The following ZNF292 variants were observed in gnomAD, a reference collection of about 807,000 sequenced individuals.
ZNF292 encodes the protein 16 zinc-finger domain protein.
Under a neutral mutation model 217.9 loss-of-function variants are expected in ZNF292, and 26 were observed. The observed-to-expected ratio is 0.12, with a 90% CI of 0.09 to 0.17. The LOEUF (loss-of-function observed/expected upper bound fraction) is 0.17. Ranked by LOEUF, ZNF292 falls within the 10% of genes least tolerant of loss-of-function variation. The pLI, the probability that ZNF292 is intolerant of heterozygous loss-of-function variation, is 1.00. For missense variants in ZNF292, 2,904 were observed against 3,175.2 expected (o/e 0.91, Z 2.05); for synonymous variants, 1,257 against 1,124.1 (o/e 1.12, Z -2.37).
intron 1 of ZNF292, among the ~76,000 whole-genome samples, chr6:87,198,478 A>T (rs948594792): frequency 1.3e-5 from 2 of 152,204 alleles, no homozygotes; most frequent in Admixed American, 1.3e-4. Context: ...TGCTGGGATT[A>T]CAGGCCTGAG....
At position 87,257,458 on chromosome 6, in the gene ZNF292, T is replaced by C; in HGVS notation, c.3829T>C (p.Ser1277Pro). The C allele has an allele frequency of 1.2e-6, 2 of 1,613,436 alleles. No individual in the cohort carries two copies. Among genetic ancestry groups the C allele is most frequent in the Non-Finnish European group, 1.7e-6 (2 of 1,179,686 alleles). The part of the protein sequence containing the change: ...AESSSMSLFP[S>P]PADSGTNSVF... Reference sequence around the variant, plus strand: ...AAGTAGTTCAATGTCTCTCTTCCCTTCACCAGCAGATAGTGGGACTAATTC... The same window carrying C: ...AAGTAGTTCAATGTCTCTCTTCCCTCCACCAGCAGATAGTGGGACTAATTC... Residue 1277 changes from serine (S) to proline (P), a missense_variant, in exon 8 of 8, where the codon TCA (serine) becomes CCA (proline). Around this residue, in one of 15 missense-constraint regions of ZNF292, gnomAD observed 687 missense variants for 623.0 expected, o/e 1.10. Transcript: ENST00000369577.
intron 5 of ZNF292, among the ~76,000 whole-genome samples, chr6:87,241,408 A>G (rs995604423): frequency 1.3e-5 from 2 of 151,332 alleles, no homozygotes; most frequent in African/African-American, 4.9e-5. Flanking sequence ...TGAAGTGGAA[A>G]GAGCTTGGAT....
At chr6:87,251,643 C>CT (rs1396168688) in intron 7 of ZNF292, among the ~76,000 whole-genome samples, 1 of 152,166 alleles carries the variant, frequency 6.6e-6, no homozygotes, top group Non-Finnish European at 1.5e-5. Flanking sequence ...GGGCAAATCA[C>CT]TTAATTACAT....
Position 87,260,057 on chromosome 6 carries a change from T to C in ZNF292, c.6428T>C (p.Leu2143Pro), listed in dbSNP as rs1375860456. 1 of 1,613,626 alleles carries C rather than the reference T, an allele frequency of 6.2e-7. No homozygotes were observed. ...LHYQAVHKSD[L>P]PAFSAEVEEE... ...TACCAGGCTGTACACAAATCAGATC[T>C]ACCTGCATTTTCAGCAGAGGTCGAA... Residue 2143 changes from leucine to proline, a missense_variant, in exon 8 of 8, where the codon CTA becomes CCA. Leu to Pro is a moderately conservative substitution (Grantham distance 98, BLOSUM62 -3). This residue lies in a region of ZNF292 where 261 missense variants were observed against 272.8 expected (regional missense o/e 0.96). Coordinates refer to ENST00000369577, the MANE Select transcript of ZNF292 (RefSeq NM_015021.3).
intron 1 of ZNF292, among the ~76,000 whole-genome samples, chr6:87,201,115 A>G (rs1463851954): frequency 1.3e-5 from 2 of 152,206 alleles, no homozygotes; most frequent in Admixed American, 6.5e-5. Flanking sequence ...TGGTGGACCA[A>G]TCTCAACCCT....
Position 87,261,028 on chromosome 6 carries a change from A to G in ZNF292, c.7399A>G (p.Thr2467Ala). Reference protein sequence around the residue: ...ESNDNSRTTATVSQKEVEKNE... With the variant: ...ESNDNSRTTAAVSQKEVEKNE... ...CAATGATAATTCAAGAACAACAGCT[A>G]CAGTTTCACAAAAGGAAGTTGAAAA... Residue 2467 changes from threonine to alanine, a missense_variant, in exon 8 of 8, where the codon ACA (threonine) becomes GCA (alanine). By Grantham distance (58) the Thr-to-Ala change is moderately conservative (BLOSUM62 0). Transcript: ENST00000369577. 1 of 1,603,824 alleles carries G rather than the reference A, an allele frequency of 6.2e-7. No homozygotes were observed. Among genetic ancestry groups the G allele is most frequent in the Middle Eastern group, 1.7e-4 (1 of 6,048 alleles).
At position 87,258,043 on chromosome 6, in the gene ZNF292, C is replaced by T; in HGVS notation, c.4414C>T (p.Arg1472Ter). 1 of 1,613,772 alleles carries T rather than the reference C, an allele frequency of 6.2e-7. No individual in the cohort carries two copies. Among genetic ancestry groups the T allele is most frequent in the Non-Finnish European group, 8.5e-7 (1 of 1,179,792 alleles). ...SPAFLPNTFP[R>*]SGVTNFNTSV... is the part of the protein sequence containing the mutation. ...AGCATTTTTACCAAATACATTTCCT[C>T]GATCTGGTGTGACTAACTTTAATAC... is the stretch of plus-strand genomic sequence containing the variant. The change falls in exon 8 of 8, where the codon CGA (arginine) becomes TGA (stop). Residue 1472 changes from arginine (R) to a stop codon, truncating the protein, a stop_gained. Coordinates refer to ENST00000369577, the MANE Select transcript of ZNF292 (RefSeq NM_015021.3). LOFTEE classifies it high-confidence loss of function.
At chr6:87,219,446 G>A (rs996224519) in intron 4 of ZNF292, among the ~76,000 whole-genome samples, 1 of 152,198 alleles carries the variant, frequency 6.6e-6, no homozygotes, top group Non-Finnish European at 1.5e-5. Context: ...ACCACTGTAA[G>A]CTTCTTCCGT....
At chr6:87,191,427 A>T (rs1477567465) in intron 1 of ZNF292, among the ~76,000 whole-genome samples, 1 of 152,198 alleles carries the variant, frequency 6.6e-6, no homozygotes, top group Non-Finnish European at 1.5e-5. Context: ...GATTGTTAAC[A>T]ATGTTTGGTT....
chr6:87,169,854 C>T, intron 1 of ZNF292: 1 of 246,172 alleles, frequency 4.1e-6, no homozygotes, highest in Non-Finnish European at 8.5e-6. Flanking sequence ...TGCCATGTTG[C>T]CCAGACTGGT....
chr6:87,176,373 G>A (rs1478502276), intron 1 of ZNF292, among the ~76,000 whole-genome samples: 2 of 152,198 alleles, frequency 1.3e-5, no homozygotes, highest in African/African-American at 2.4e-5. Flanking sequence ...AGGCCTGTTT[G>A]TGCAGATTCT....
Position 87,262,037 on chromosome 6 carries a change from T to C in ZNF292, c.*236T>C. The C allele has an allele frequency of 3.4e-6, 1 of 292,354 alleles. No individual in the cohort carries two copies. The highest frequency in any genetic ancestry group is 5.8e-5 in the East Asian group (1 of 17,146). The allele number at this position is 292,354 out of a possible 1,614,324, so 18.1% of individuals were successfully genotyped here. ...GTTATTGTAAATAGTGAGCTAAACC[T>C]CAAATTTCTATCACCCAGTTGCCCT... On this transcript the variant is annotated 3_prime_UTR_variant, in exon 8 of 8. Coordinates refer to ENST00000369577, the MANE Select transcript of ZNF292 (RefSeq NM_015021.3).
In ZNF292 at chr6:87,260,658, CAAG is replaced by C. The variant is rs1216193398; in HGVS notation, c.7032_7034del (p.Lys2344del). 2 of 1,612,084 alleles carry C rather than the reference CAAG, an allele frequency of 1.2e-6. No homozygotes were observed. Among genetic ancestry groups the C allele is most frequent in the African/African-American group, 1.3e-5 (1 of 74,752 alleles). On this transcript the variant is annotated inframe_deletion, in exon 8 of 8. Coordinates refer to ENST00000369577, the MANE Select transcript of ZNF292 (RefSeq NM_015021.3). ...GAAAGAAAAAAAATAATTTAGAAAA[CAAG>C]AATGCAAAGATTGTGCAGATTGAAG...
intron 1 of ZNF292, among the ~76,000 whole-genome samples, chr6:87,213,088 G>T (rs1427594754): frequency 1.3e-5 from 2 of 152,168 alleles, no homozygotes; most frequent in Non-Finnish European, 2.9e-5. Context: ...TTTTAGAGGA[G>T]GGTTGTAAAT....
In ZNF292 at chr6:87,254,757, A is replaced by C. The variant is rs1775117752; in HGVS notation, c.1128A>C (p.Ser376=). ...EVKISICKTI[S]CLLPDDLEVK... Reference sequence around the variant, plus strand: ...AAATATCTATTTGCAAGACCATTTCATGTTTGTTGCCTGATGATCTGGAAG... The same window carrying C: ...AAATATCTATTTGCAAGACCATTTCCTGTTTGTTGCCTGATGATCTGGAAG... The change falls in exon 8 of 8, where the codon TCA becomes TCC. Residue 376 remains serine (S), a synonymous_variant. Transcript: ENST00000369577. The C allele has an allele frequency of 5.6e-6, 9 of 1,613,838 alleles. No individual in the cohort carries two copies. Among genetic ancestry groups the C allele is most frequent in the Non-Finnish European group, 6.8e-6 (8 of 1,179,832 alleles).
chr6:87,178,092 A>G (rs1404587020), intron 1 of ZNF292, among the ~76,000 whole-genome samples: 9 of 152,064 alleles, frequency 5.9e-5, no homozygotes, highest in East Asian at 1.9e-4. Flanking sequence ...GCTTTAGTCT[A>G]TGGTAAGGCT....
intron 1 of ZNF292, among the ~76,000 whole-genome samples, chr6:87,174,614 TG>T (rs1411012349): frequency 1.3e-5 from 2 of 152,184 alleles, no homozygotes; most frequent in Non-Finnish European, 2.9e-5. Context: ...AGATAGTGAA[TG>T]TTCTTGTCCT....
chr6:87,159,495 CT>C (rs772140637), intron 1 of ZNF292, among the ~76,000 whole-genome samples: 9,832 of 124,494 alleles, frequency 0.079, 649 homozygotes, highest in African/African-American at 0.18. Flanking sequence ...TCTTTTCTTT[CT>C]TTTTTTTTTT....
rs1230394850 is a variant in ZNF292 at position 87,263,051 on chromosome 6, C to G, written c.*1250C>G. On this transcript the variant is annotated 3_prime_UTR_variant, in exon 8 of 8. Transcript: ENST00000369577. ...GTATTTCTCACCATATCTAATGATA[C>G]TTTTTTCATTAGATTGGTCTTCAAG... is the stretch of plus-strand genomic sequence containing the variant. The G allele has an allele frequency of 1.3e-5, 2 of 151,822 alleles. No individual in the cohort carries two copies. Among genetic ancestry groups the G allele is most frequent in the African/African-American group, 2.4e-5 (1 of 41,380 alleles). The allele number at this position is 151,822 out of a possible 1,614,324, so 9.4% of individuals were successfully genotyped here. A position where few individuals can be genotyped will look rare whatever the true frequency, so the allele number is the denominator to read the frequency against.
Sources: allele counts gnomAD v4.1 joint callset (sites outside exome capture counted in the v4.1 genomes callset), GRCh38; gene constraint gnomAD v4.1.1; regional missense constraint gnomAD v4.1.1; transcripts MANE v1.5; gene names NCBI Gene and HGNC (gene_info 2026-07-23, HGNC 2026-07-21).